Variants in GAB4 observed in about 807,000 individuals in gnomAD.
GAB4 encodes GRB2 associated binding protein family member 4.
GAB4 carries 26 observed loss-of-function variants against 51.3 expected under a neutral mutation model. The observed-to-expected ratio is 0.51, with a 90% CI of 0.37 to 0.70. The LOEUF is 0.70. Among genes scored for constraint, GAB4 ranks in the 30% least tolerant of loss-of-function variants. The probability of loss-of-function intolerance (pLI) is 0.00; values close to 1 mark genes in which losing one functional copy is unlikely to be tolerated. For missense variants in GAB4, 759 were observed against 734.6 expected, an observed-to-expected ratio of 1.03 and a Z score of -0.38; for synonymous variants, 329 against 291.2, an observed-to-expected ratio of 1.13 and a Z score of -1.32.
intron 2 of GAB4, among the ~76,000 whole-genome samples, chr22:16,989,008 G>A (rs1003374118): frequency 6.6e-6 from 1 of 152,172 alleles, no homozygotes; most frequent in Non-Finnish European, 1.5e-5. Flanking sequence ...CTTGGCCCAT[G>A]TTCCCGTTAC....
chr22:16,970,975 G>A (rs1347265295), intron 3 of GAB4, among the ~76,000 whole-genome samples: 1 of 151,916 alleles, frequency 6.6e-6, no homozygotes, highest in African/African-American at 2.4e-5. Flanking sequence ...ACAGGCAGAT[G>A]GCTTGAGCTC....
At chr22:16,968,603 C>CTA (rs1200723399) in intron 4 of GAB4, among the ~76,000 whole-genome samples, 1 of 152,168 alleles carries the variant, frequency 6.6e-6, no homozygotes, top group Non-Finnish European at 1.5e-5. Flanking sequence ...AGTGTCCCTC[C>CTA]TGGATGCCTG....
In GAB4 at chr22:17,007,997, C is replaced by G. The variant is rs1160092305; in HGVS notation, c.118G>C (p.Val40Leu). The G allele has an allele frequency of 1.9e-6, 3 of 1,612,820 alleles. No individual in the cohort carries two copies. The highest frequency in any genetic ancestry group is 2.5e-6 in the Non-Finnish European group (3 of 1,179,640). Reference protein sequence around the residue: ...PAGGSTRSGHVLYSGWLRKSP... With the variant: ...PAGGSTRSGHLLYSGWLRKSP... ...TTCCTCAGCCAGCCGCTGTACAGCA[C>G]GTGGCCACTTCTCGTGCTTCCGCCG... The change falls in exon 1 of 10, where the codon GTG (valine) becomes CTG (leucine). Residue 40 changes from valine (V) to leucine (L), a missense_variant. Around this residue, in one of 3 missense-constraint regions of GAB4, gnomAD observed 83 missense variants for 73.1 expected, o/e 1.14. Transcript: ENST00000400588.
chr22:16,996,703 G>C (rs1481334879), intron 1 of GAB4, among the ~76,000 whole-genome samples: 1 of 151,994 alleles, frequency 6.6e-6, no homozygotes, highest in Non-Finnish European at 1.5e-5. Context: ...TGGTACATGC[G>C]CAAAACGTGC....
chr22:16,980,245 T>C (rs1253228321), intron 3 of GAB4, among the ~76,000 whole-genome samples: 1 of 152,180 alleles, frequency 6.6e-6, no homozygotes, highest in Non-Finnish European at 1.5e-5. Context: ...GGGAGAATAT[T>C]TCTGCAATCT....
In GAB4 at chr22:16,972,673, T is replaced by C. The variant is rs189497831; in HGVS notation, c.687-2480A>G. Among the ~76,000 whole-genome samples, 8 of 152,234 alleles carry C rather than the reference T, an allele frequency of 5.3e-5. No individual in the cohort carries two copies. The East Asian group carries it at 5.8e-4, about 11-fold the overall frequency. On this transcript the variant is annotated intron_variant, in intron 3 of 9. Coordinates refer to ENST00000400588, the MANE Select transcript of GAB4 (RefSeq NM_001037814.1). ...GCTCCAGCCTCTCAAGCCCAAAACA[T>C]TGGAGTTACCCACACTCTCACTCAA...
chr22:16,979,413 T>C (rs2060808742), intron 3 of GAB4, among the ~76,000 whole-genome samples: 1 of 152,052 alleles, frequency 6.6e-6, no homozygotes, highest in Admixed American at 6.5e-5. Flanking sequence ...GAACTCCCAA[T>C]CACAATTGCT....
chr22:16,969,845 C>T, intron 4 of GAB4, 98 bp downstream of exon 4: 1 of 1,388,076 alleles, frequency 7.2e-7, no homozygotes, highest in Non-Finnish European at 1.0e-6. Flanking sequence ...GAATCTGGTG[C>T]ACTGAGAGTG....
At chr22:17,007,855 G>A in intron 1 of GAB4, 86 bp downstream of exon 1, 2 of 1,301,080 alleles carry the variant, frequency 1.5e-6, no homozygotes, top group Non-Finnish European at 2.1e-6. Context: ...CTCCTCCCGT[G>A]GACCCAGGCC....
chr22:17,007,277 G>A (rs2061048095), intron 1 of GAB4, among the ~76,000 whole-genome samples: 1 of 152,164 alleles, frequency 6.6e-6, no homozygotes, highest in Non-Finnish European at 1.5e-5. Context: ...TAGGGGAAAG[G>A]GCAACCAATC....
At chr22:16,999,955 G>A (rs2060983810) in intron 1 of GAB4, among the ~76,000 whole-genome samples, 1 of 152,218 alleles carries the variant, frequency 6.6e-6, no homozygotes, top group South Asian at 2.1e-4. Context: ...GCGGGTTTGA[G>A]TGAGTTTCTT....
intron 2 of GAB4, among the ~76,000 whole-genome samples, chr22:16,990,822 T>C (rs2123704193): frequency 6.6e-6 from 1 of 152,288 alleles, no homozygotes; most frequent in South Asian, 2.1e-4. Context: ...ACCAGACTGC[T>C]GTGTTTTGTC....
chr22:16,967,502 T>A (rs904631866), intron 5 of GAB4: 1 of 152,240 alleles, frequency 6.6e-6, no homozygotes, highest in Non-Finnish European at 1.5e-5. Flanking sequence ...ACGTATGGGG[T>A]GAGGTGCACT....
At chr22:16,964,274 T>C (rs1327163390) in intron 8 of GAB4, among the ~76,000 whole-genome samples, 1 of 152,218 alleles carries the variant, frequency 6.6e-6, no homozygotes, top group Non-Finnish European at 1.5e-5. Flanking sequence ...GTGGCCGCCC[T>C]GGGCTCTGGG....
In GAB4 at chr22:16,963,718, C is replaced by A. The variant is rs1286281826; in HGVS notation, c.1581+7G>T. 4.4e-6 allele frequency: 7 copies of A among 1,609,004 alleles called. No homozygotes were observed. The highest frequency in any genetic ancestry group is 5.9e-6 in the Non-Finnish European group (7 of 1,176,660). On this transcript the variant is annotated splice_region_variant and intron_variant, in intron 9 of 9. Transcript: ENST00000400588. Reference sequence around the variant, plus strand: ...GCTCTGCCCAACCCCAGCTCCACCCCAGGCACCTTGCTCGGCTGGAAGTCC... The same window carrying A: ...GCTCTGCCCAACCCCAGCTCCACCCAAGGCACCTTGCTCGGCTGGAAGTCC...
chr22:17,002,934 C>T (rs1207211532), intron 1 of GAB4, among the ~76,000 whole-genome samples: 1 of 152,038 alleles, frequency 6.6e-6, no homozygotes, highest in African/African-American at 2.4e-5. Flanking sequence ...ATTCAGGAGA[C>T]CCATCTGATG....
chr22:16,966,022 C>T, intron 6 of GAB4, 78 bp downstream of exon 6: 1 of 1,367,962 alleles, frequency 7.3e-7, no homozygotes, highest in Non-Finnish European at 1.0e-6. Context: ...AGACGTTCCA[C>T]ATCCAGGATC....
chr22:16,972,587 G>A (rs2060741294), intron 3 of GAB4, among the ~76,000 whole-genome samples: 1 of 152,134 alleles, frequency 6.6e-6, no homozygotes. Flanking sequence ...CGCATATTCA[G>A]AATATGCCCA....
At chr22:16,973,798 CCTGTTCCCA>C in intron 3 of GAB4, among the ~76,000 whole-genome samples, 1 of 151,926 alleles carries the variant, frequency 6.6e-6, no homozygotes, top group South Asian at 2.1e-4. Context: ...GCTCTTCCTC[CCTGTTCCCA>C]CAGCACCTGG....
Sources: gnomAD v4.1 joint callset for allele counts (sites outside exome capture counted in the v4.1 genomes callset) on GRCh38, gnomAD v4.1.1 for gene constraint, gnomAD v4.1.1 regional missense constraint, MANE v1.5 for transcripts, NCBI Gene and HGNC (gene_info 2026-07-23, HGNC 2026-07-21) for gene names.